MPDZ: variants seen among roughly 807,000 people sequenced by gnomAD.
MPDZ encodes multiple PDZ domain crumbs cell polarity complex component.
MPDZ carries 234 observed loss-of-function variants against 239.1 expected under a neutral mutation model. That is an observed-to-expected ratio of 0.98 (90% CI 0.88 to 1.09). The LOEUF (loss-of-function observed/expected upper bound fraction) is 1.09. Ranked by LOEUF, MPDZ falls within the 50% of genes least tolerant of loss-of-function variation. MPDZ has a pLI of 0.00. For missense variants in MPDZ, 3,175 were observed against 2,510.0 expected (o/e 1.26, Z -5.66); for synonymous variants, 1,048 against 881.3 (o/e 1.19, Z -3.35).
At chr9:13,240,744 A>T (rs1965210626) in intron 3 of MPDZ, among the ~76,000 whole-genome samples, 1 of 152,040 alleles carries the variant, frequency 6.6e-6, no homozygotes, top group African/African-American at 2.4e-5. Context: ...TACCTCCTGG[A>T]ACTGATGGAC....
chr9:13,218,990 A>G (rs537884582), intron 8 of MPDZ, among the ~76,000 whole-genome samples: 2 of 152,100 alleles, frequency 1.3e-5, no homozygotes, highest in East Asian at 3.9e-4. Flanking sequence ...TTTGTTTAAA[A>G]AATTATATAA....
At position 13,248,976 on chromosome 9, in the gene MPDZ, C is replaced by CA. The variant is rs71331534; in HGVS notation, c.17-1176dup. On this transcript the variant is annotated intron_variant, in intron 2 of 46. Coordinates refer to ENST00000319217, the MANE Select transcript of MPDZ (RefSeq NM_001378778.1). ...CGACAGAGTGAGTGAGACTCCATCTCAAAAAAAAAAAAAAAAAAAAAAAAA... is the reference window on the plus strand; with the variant it reads ...CGACAGAGTGAGTGAGACTCCATCTCAAAAAAAAAAAAAAAAAAAAAAAAAA... Among the ~76,000 whole-genome samples the CA allele has an allele frequency of 4.3e-3, 153 of 35,816 alleles. 7 individuals are homozygous for CA. Among genetic ancestry groups the CA allele is most frequent in the African/African-American group, 9.0e-3 (103 of 11,404 alleles). 23.5% of individuals were successfully genotyped at this position (35,816 alleles called of 152,430 possible). A position where few individuals can be genotyped will look rare whatever the true frequency, so the allele number is the denominator to read the frequency against.
chr9:13,166,547 A>G (rs1556422), intron 22 of MPDZ, among the ~76,000 whole-genome samples: 151,381 of 152,226 alleles, frequency 0.99, 75,271 homozygotes, highest in Middle Eastern at 1. Flanking sequence ...GTGTGTTTAC[A>G]TACACGAGAG....
chr9:13,172,836 T>C (rs1951971338), intron 21 of MPDZ, among the ~76,000 whole-genome samples: 1 of 152,206 alleles, frequency 6.6e-6, no homozygotes, highest in Non-Finnish European at 1.5e-5. Context: ...ATAACTTAAT[T>C]AACCTAGTAT....
At chr9:13,237,629 A>T (rs939465056) in intron 3 of MPDZ, among the ~76,000 whole-genome samples, 1 of 152,044 alleles carries the variant, frequency 6.6e-6, no homozygotes, top group Non-Finnish European at 1.5e-5. Context: ...TATAGACTTG[A>T]GTATAGAAAA....
chr9:13,178,903 T>C (rs569429255), intron 19 of MPDZ, among the ~76,000 whole-genome samples: 2 of 152,212 alleles, frequency 1.3e-5, no homozygotes, highest in Non-Finnish European at 2.9e-5. Context: ...CCACACAAAG[T>C]AAATGAAATG....
intron 45 of MPDZ, 129 bp from the exon 46 acceptor site, chr9:13,109,188 G>C (rs903302880): frequency 2.6e-6 from 2 of 771,954 alleles, no homozygotes; most frequent in African/African-American, 1.8e-5. Flanking sequence ...AGTATATTAC[G>C]GGTATTTTTG....
chr9:13,259,275 A>G (rs1441991343), intron 1 of MPDZ, among the ~76,000 whole-genome samples: 1 of 151,922 alleles, frequency 6.6e-6, no homozygotes, highest in Non-Finnish European at 1.5e-5. Context: ...CAGTCTCCCC[A>G]GTAGCCTGAG....
At chr9:13,121,604 A>T in intron 38 of MPDZ, 135 bp downstream of exon 38, 2 of 857,730 alleles carry the variant, frequency 2.3e-6, no homozygotes, top group Non-Finnish European at 3.6e-6. Context: ...ATGGTTCCTT[A>T]GTGAGGGGGC....
Position 13,106,273 on chromosome 9 carries a change from GA to G in MPDZ, c.*691del, listed in dbSNP as rs1444024204. 2 of 151,986 alleles carry G rather than the reference GA, an allele frequency of 1.3e-5. No individual in the cohort carries two copies. The highest frequency in any genetic ancestry group is 4.8e-5 in the African/African-American group (2 of 41,390). 9.4% of individuals were successfully genotyped at this position (151,986 alleles called of 1,614,324 possible). A position where few individuals can be genotyped will look rare whatever the true frequency, so the allele number is the denominator to read the frequency against. Reference sequence around the variant, plus strand: ...ATATTTTACAAAAGGTCAAAAATAAGAATGAAAATTGAAATGTGCATTAAAT... The same window carrying G: ...ATATTTTACAAAAGGTCAAAAATAAGATGAAAATTGAAATGTGCATTAAAT... On this transcript the variant is annotated 3_prime_UTR_variant, in exon 47 of 47. Coordinates refer to ENST00000319217, the MANE Select transcript of MPDZ (RefSeq NM_001378778.1).
intron 1 of MPDZ, among the ~76,000 whole-genome samples, chr9:13,256,764 A>G (rs1474274463): frequency 6.6e-6 from 1 of 152,220 alleles, no homozygotes; most frequent in African/African-American, 2.4e-5. Flanking sequence ...ATAATAATAA[A>G]GGGCATGAAA....
chr9:13,168,209 G>A (rs141154176), intron 22 of MPDZ, among the ~76,000 whole-genome samples, 157 bp downstream of exon 22: 2 of 152,066 alleles, frequency 1.3e-5, no homozygotes, highest in East Asian at 1.9e-4. Context: ...ACTTACAATC[G>A]AGAACTACTC....
chr9:13,145,351 C>T (rs1948294344), intron 26 of MPDZ, among the ~76,000 whole-genome samples: 1 of 151,950 alleles, frequency 6.6e-6, no homozygotes. Flanking sequence ...AAAATGTGGT[C>T]AGACTGAATT....
intron 22 of MPDZ, chr9:13,165,368 CA>C: frequency 6.5e-7 from 1 of 1,549,524 alleles, no homozygotes; most frequent in East Asian, 2.4e-5. Context: ...GATACTCACA[CA>C]TAAAAGGGGG....
intron 1 of MPDZ, among the ~76,000 whole-genome samples, chr9:13,262,088 T>G (rs902413043): frequency 2.6e-5 from 4 of 151,886 alleles, no homozygotes; most frequent in Admixed American, 6.6e-5. Flanking sequence ...GAATGTGAGC[T>G]CTGACAAATT....
At chr9:13,262,290 TA>T (rs201182357) in intron 1 of MPDZ, among the ~76,000 whole-genome samples, 5 of 147,324 alleles carry the variant, frequency 3.4e-5, no homozygotes, top group South Asian at 2.2e-4. Context: ...TAACAAAAAA[TA>T]AAAAAAAAAT....
chr9:13,238,424 C>T (rs1453209450), intron 3 of MPDZ, among the ~76,000 whole-genome samples: 2 of 152,136 alleles, frequency 1.3e-5, no homozygotes, highest in East Asian at 1.9e-4. Flanking sequence ...ATCAGACACC[C>T]CCTTCTCAAG....
chr9:13,229,093 T>A (rs1437253528), intron 3 of MPDZ, among the ~76,000 whole-genome samples: 2 of 152,120 alleles, frequency 1.3e-5, no homozygotes, highest in Non-Finnish European at 2.9e-5. Flanking sequence ...GAAAACATAA[T>A]TTATCTTTAG....
rs1266709240 is a variant in MPDZ, at chr9:13,136,103, G to C, written c.4372C>G (p.Gln1458Glu). Residue 1458 changes from glutamine (Q) to glutamate (E), a missense_variant, in exon 31 of 47, where the codon CAA becomes GAA. By Grantham distance (29) the Gln-to-Glu change is conservative. Transcript: ENST00000319217. ...EPLPSNSENL[Q>E]NKETEPTVTT... is the part of the protein sequence containing the mutation. ...TAAGTTACATATACCTCCTTATTTT[G>C]AAGATTTTCTGAGTTAGAAGGCAAA... 4 of 1,606,934 alleles carry C rather than the reference G, an allele frequency of 2.5e-6. No individual in the cohort carries two copies. In the East Asian group the frequency reaches 8.9e-5, roughly 36 times the overall value.
Sources: gnomAD v4.1 joint callset for allele counts (sites outside exome capture counted in the v4.1 genomes callset) on GRCh38, gnomAD v4.1.1 for gene constraint, MANE v1.5 for transcripts, NCBI Gene and HGNC (gene_info 2026-07-23, HGNC 2026-07-21) for gene names.